The following PGAP4 variants were observed in gnomAD, a reference collection of about 807,000 sequenced individuals.
PGAP4 encodes the protein GPI-N-acetylgalactosamine transferase PGAP4.
A neutral mutation model predicts 28.2 loss-of-function variants in PGAP4; 12 were observed. That is an observed-to-expected ratio of 0.42 (90% confidence interval 0.27 to 0.69). The LOEUF (loss-of-function observed/expected upper bound fraction) is 0.69. Ranked by LOEUF, PGAP4 falls within the 30% of genes least tolerant of loss-of-function variation. The pLI is 0.22. For missense variants in PGAP4, 425 were observed against 513.5 expected (o/e 0.83, Z 1.67); for synonymous variants, 205 against 211.8 (o/e 0.97, Z 0.28).
intron 2 of PGAP4, among the ~76,000 whole-genome samples, chr9:101,507,892 T>A (rs1228567849): frequency 1.3e-5 from 2 of 152,278 alleles, no homozygotes; most frequent in Non-Finnish European, 2.9e-5. Flanking sequence ...TGCAGTACAG[T>A]CTTCTCAATT....
At chr9:101,513,167 G>C (rs1163911422) in intron 2 of PGAP4, among the ~76,000 whole-genome samples, 1 of 150,470 alleles carries the variant, frequency 6.6e-6, no homozygotes, top group Non-Finnish European at 1.5e-5. Context: ...ACTGTGTGCT[G>C]AGCAGTGGCT....
chr9:101,529,309 C>T (rs1827065251), intron 2 of PGAP4, among the ~76,000 whole-genome samples: 1 of 152,066 alleles, frequency 6.6e-6, no homozygotes, highest in Non-Finnish European at 1.5e-5. Flanking sequence ...GCGACCACCA[C>T]CATGCCCAGC....
intron 2 of PGAP4, among the ~76,000 whole-genome samples, chr9:101,508,502 A>G (rs746300923): frequency 1.3e-5 from 2 of 152,128 alleles, no homozygotes; most frequent in Non-Finnish European, 1.5e-5. Context: ...CTCTATTGCT[A>G]TCAGGGAGAT....
chr9:101,476,772 G>A lies in PGAP4; in HGVS notation c.321C>T (p.Ile107=). The A allele has an allele frequency of 6.2e-7, 1 of 1,613,278 alleles. No homozygotes were observed. The change falls in exon 2 of 2, where the codon ATC becomes ATT. Residue 107 remains isoleucine (I), a synonymous_variant. Coordinates refer to ENST00000374848, the MANE Select transcript of PGAP4 (RefSeq NM_032342.3). The surrounding 1 kb of genome is among the most constrained non-coding windows in gnomAD (Gnocchi z 7.0). ...GGAAGCCAGGCTGCCTGTCCACAGT[G>A]ATGATGGTGATCACCAGCCAGGGCC... is the stretch of plus-strand genomic sequence containing the variant. ...TPRPWLVITI[I]TVDRQPGFHY...
intron 1 of PGAP4, among the ~76,000 whole-genome samples, chr9:101,478,586 G>A (rs937325444): frequency 6.6e-6 from 1 of 152,160 alleles, no homozygotes; most frequent in Non-Finnish European, 1.5e-5. Context: ...ATGTGACTAG[G>A]GCTTGTCAGC....
At chr9:101,487,919 T>C (rs137987993), upstream of PGAP4, among the ~76,000 whole-genome samples, 42 of 152,266 alleles carry the variant, frequency 2.8e-4, no homozygotes, top group East Asian at 7.2e-3. Flanking sequence ...AGTTGGATAG[T>C]TGTGACAGAG....
chr9:101,493,708 T>C (rs1323488135), intron 2 of PGAP4, among the ~76,000 whole-genome samples: 1 of 152,204 alleles, frequency 6.6e-6, no homozygotes, highest in African/African-American at 2.4e-5. Flanking sequence ...TAGCTTTTCT[T>C]TTTGATTTGT....
At chr9:101,482,909 C>G (rs1216869866) in intron 1 of PGAP4, among the ~76,000 whole-genome samples, 2 of 152,188 alleles carry the variant, frequency 1.3e-5, no homozygotes, top group Admixed American at 6.5e-5. Context: ...GTGCTAGACC[C>G]TTGCATCTAT....
At position 101,501,276 on chromosome 9, in the gene PGAP4, T is replaced by G. The variant is rs150876759; in HGVS notation, c.-164-12076A>C. Among the ~76,000 whole-genome samples, 20 of 152,190 alleles carry G rather than the reference T, an allele frequency of 1.3e-4. No individual in the cohort carries two copies. The East Asian group carries it at 3.9e-3, about 30-fold the overall frequency. ...TGCTGTACTGCTACAATAGTGATGC[T>G]GTAGCCACAACAGAAAAACTTACCC... On this transcript the variant is annotated intron_variant, in intron 2 of 3. Coordinates refer to the PGAP4 transcript ENST00000374851.
At chr9:101,517,834 C>T (rs1394498276) in intron 2 of PGAP4, among the ~76,000 whole-genome samples, 4 of 152,054 alleles carry the variant, frequency 2.6e-5, no homozygotes, top group African/African-American at 7.2e-5. Flanking sequence ...TTTGGGTTGT[C>T]TTTTAATAGT....
intron 2 of PGAP4, among the ~76,000 whole-genome samples, chr9:101,493,951 T>C (rs1826713975): frequency 1.3e-5 from 2 of 152,080 alleles, no homozygotes; most frequent in Admixed American, 1.3e-4. Context: ...TGTACAGGGA[T>C]ATAATCTAGT....
chr9:101,523,619 CTTTT>C (rs71356369), intron 2 of PGAP4, among the ~76,000 whole-genome samples: 1,126 of 58,426 alleles, frequency 0.019, no homozygotes, highest in Non-Finnish European at 0.021. Context: ...CTTCTTGTAT[CTTTT>C]TTTTTTTTTT....
chr9:101,530,945 C>G (rs921055693), intron 2 of PGAP4, among the ~76,000 whole-genome samples: 2 of 152,054 alleles, frequency 1.3e-5, no homozygotes, highest in Non-Finnish European at 2.9e-5. Context: ...AATTGGTAGA[C>G]TAAAGCAGAT....
chr9:101,503,258 C>A (rs576516281), intron 2 of PGAP4, among the ~76,000 whole-genome samples: 1 of 152,130 alleles, frequency 6.6e-6, no homozygotes, highest in African/African-American at 2.4e-5. Context: ...GATGGCAAAG[C>A]AAATGAAGGA....
intron 2 of PGAP4, among the ~76,000 whole-genome samples, chr9:101,504,663 C>T (rs1323338234): frequency 6.6e-6 from 1 of 152,028 alleles, no homozygotes; most frequent in Non-Finnish European, 1.5e-5. Flanking sequence ...TGGGTGTTAA[C>T]AGTGATCAGT....
At chr9:101,499,084 G>A (rs1033371326) in intron 2 of PGAP4, among the ~76,000 whole-genome samples, 3 of 151,670 alleles carry the variant, frequency 2.0e-5, no homozygotes, top group Non-Finnish European at 4.4e-5. Flanking sequence ...GTATTCAATC[G>A]AAAAAGACTT....
intron 2 of PGAP4, among the ~76,000 whole-genome samples, chr9:101,508,336 G>A (rs888845638): frequency 1.3e-5 from 2 of 152,128 alleles, no homozygotes; most frequent in Admixed American, 6.6e-5. Context: ...ATGCCTTTGC[G>A]GTAGTTCATA....
chr9:101,491,163 T>C (rs1329540428), upstream of PGAP4, among the ~76,000 whole-genome samples: 1 of 152,148 alleles, frequency 6.6e-6, no homozygotes, highest in Non-Finnish European at 1.5e-5. Flanking sequence ...TAATATGTGG[T>C]AGAGCAAGGC....
intron 2 of PGAP4, among the ~76,000 whole-genome samples, chr9:101,497,565 A>T (rs1826762320): frequency 6.6e-6 from 1 of 151,460 alleles, no homozygotes; most frequent in South Asian, 2.1e-4. Context: ...ATAAACATAT[A>T]TGTGTGTGTG....
Sources: gnomAD v4.1 joint callset for allele counts (sites outside exome capture counted in the v4.1 genomes callset) on GRCh38, gnomAD v4.1.1 for gene constraint, Gnocchi (gnomAD v3.1) non-coding constraint, MANE v1.5 for transcripts, NCBI Gene and HGNC (gene_info 2026-07-23, HGNC 2026-07-21) for gene names.